SPAM1: variants seen among roughly 807,000 people sequenced by gnomAD.
SPAM1 encodes hyaluronidase PH-20.
Under a neutral mutation model 29.6 loss-of-function variants are expected in SPAM1, and 22 were observed. That is an observed-to-expected ratio of 0.74 (90% CI 0.53 to 1.06). The LOEUF (loss-of-function observed/expected upper bound fraction) is 1.06, where lower values mean the gene tolerates loss of function less well. Among genes scored for constraint, SPAM1 ranks in the 50% least tolerant of loss-of-function variants. The probability of loss-of-function intolerance (pLI) is 0.00; values close to 1 mark genes in which losing one functional copy is unlikely to be tolerated. For synonymous variants in SPAM1, 194 were observed against 204.6 expected, an observed-to-expected ratio of 0.95 and a Z score of 0.44; for missense variants, 534 against 604.0, an observed-to-expected ratio of 0.88 and a Z score of 1.21.
chr7:123,955,874 T>C (rs931095716), intron 4 of SPAM1, among the ~76,000 whole-genome samples: 6 of 151,976 alleles, frequency 3.9e-5, no homozygotes, highest in Non-Finnish European at 7.4e-5. Flanking sequence ...TAAAGTATTT[T>C]ATGTGTCAGA....
intron 2 of SPAM1, among the ~76,000 whole-genome samples, chr7:123,951,407 A>G (rs971879675): frequency 2.0e-4 from 31 of 152,136 alleles, no homozygotes; most frequent in African/African-American, 7.5e-4. Context: ...TAGATACTTC[A>G]AACAAAAAGA....
At chr7:123,960,097 C>A (rs530948536), downstream of SPAM1, 2 of 1,333,214 alleles carry the variant, frequency 1.5e-6, no homozygotes, top group Non-Finnish European at 1.0e-6. Context: ...AATAACTATA[C>A]CTAGGAAATG....
At chr7:123,940,385 TG>T (rs939498175) in intron 1 of SPAM1, among the ~76,000 whole-genome samples, 3 of 152,162 alleles carry the variant, frequency 2.0e-5, no homozygotes, top group Admixed American at 2.0e-4. Context: ...GGACATAAAA[TG>T]TTATTCACAT....
At chr7:123,962,153 T>A (rs575024735), downstream of SPAM1, among the ~76,000 whole-genome samples, 1 of 152,134 alleles carries the variant, frequency 6.6e-6, no homozygotes, top group African/African-American at 2.4e-5. Context: ...CACCAAGAGT[T>A]CCCTTTTCCC....
At chr7:123,967,488 A>C (rs1792442513) in intron 5 of SPAM1, among the ~76,000 whole-genome samples, 2 of 151,996 alleles carry the variant, frequency 1.3e-5, no homozygotes, top group Admixed American at 6.6e-5. Context: ...AAGTGATTAG[A>C]TATTCCCTGT....
chr7:123,959,824 G>C lies in SPAM1; in HGVS notation c.1385G>C (p.Gly462Ala), dbSNP rs1792330640. ...TDAVDVCIAD[G>A]VCIDAFLKPP... ...GCTGTTGATGTGTGTATTGCTGATG[G>C]TGTCTGTATAGATGCTTTTCTAAAA... The change falls in exon 5 of 5, where the codon GGT (glycine) becomes GCT (alanine). Residue 462 changes from glycine (G) to alanine (A), a missense_variant. Gly to Ala is a moderately conservative substitution (Grantham distance 60). Transcript: ENST00000682466. The C allele has an allele frequency of 1.2e-6, 2 of 1,613,244 alleles. No individual in the cohort carries two copies. The highest frequency in any genetic ancestry group is 1.3e-5 in the African/African-American group (1 of 74,954).
chr7:123,937,763 A>G (rs1477733227), intron 1 of SPAM1, among the ~76,000 whole-genome samples: 9 of 152,206 alleles, frequency 5.9e-5, no homozygotes, highest in Admixed American at 5.2e-4. Flanking sequence ...TAATAGAACT[A>G]CAAATGGAAA....
In SPAM1 at chr7:123,954,500, T is replaced by C; in HGVS notation, c.930T>C (p.Asp310=). The change falls in exon 3 of 5, where the codon GAT becomes GAC. Residue 310 remains aspartate, a synonymous_variant. Transcript: ENST00000682466. ...VFAYTRIVFT[D]QVLKFLSQDE... ...CATATACCCGCATAGTTTTTACTGA[T>C]CAAGTTTTGAAATTCCTTTCTCAAG... The C allele has an allele frequency of 6.3e-7, 1 of 1,595,628 alleles. No individual in the cohort carries two copies. The highest frequency in any genetic ancestry group is 2.3e-5 in the East Asian group (1 of 44,360).
rs1374054834 is a variant in SPAM1, at chr7:123,953,391, A to C, written c.-180A>C. The C allele has an allele frequency of 2.1e-6, 1 of 474,280 alleles. No individual in the cohort carries two copies. Among genetic ancestry groups the C allele is most frequent in the Admixed American group, 3.9e-5 (1 of 25,806 alleles). The allele number at this position is 474,280 out of a possible 1,614,324, so 29.4% of individuals were successfully genotyped here. A position where few individuals can be genotyped will look rare whatever the true frequency, so the allele number is the denominator to read the frequency against. ...TATAGGTGATGCAACTTGAAAAACA[A>C]TCCTGAAACATGAAACAAGAATAAT... On this transcript the variant is annotated 5_prime_UTR_variant, in exon 3 of 5. Transcript: ENST00000682466.
At chr7:123,940,327 G>T (rs1808393093) in intron 1 of SPAM1, among the ~76,000 whole-genome samples, 1 of 151,860 alleles carries the variant, frequency 6.6e-6, no homozygotes, top group African/African-American at 2.4e-5. Flanking sequence ...AATTAAAGGT[G>T]TATTATATGC....
intron 1 of SPAM1, among the ~76,000 whole-genome samples, chr7:123,944,120 A>G (rs943077433): frequency 6.6e-6 from 1 of 152,144 alleles, no homozygotes; most frequent in Non-Finnish European, 1.5e-5. Flanking sequence ...TTTTTTCTCA[A>G]AATCAGCCCT....
At chr7:123,934,438 C>T (rs1054157918) in intron 1 of SPAM1, among the ~76,000 whole-genome samples, 4 of 151,946 alleles carry the variant, frequency 2.6e-5, no homozygotes, top group African/African-American at 7.2e-5. Flanking sequence ...GGAGTTTCCT[C>T]GAAAAACTAA....
Position 123,934,149 on chromosome 7 carries a change from CTA to C in SPAM1, c.-319+8799_-319+8800del, listed in dbSNP as rs573862229. On this transcript the variant is annotated intron_variant, in intron 1 of 4. Transcript: ENST00000682466. The stretch of plus-strand genomic sequence containing the variant: ...TCATCTAGGTTTGTATAAGTACACT[CTA>C]TGATGTTCCCACAATGATGAAATAA... Among the ~76,000 whole-genome samples the C allele has an allele frequency of 1.4e-3, 209 of 152,212 alleles. 3 individuals are homozygous for C. The highest frequency in any genetic ancestry group is 2.1e-4 in the Non-Finnish European group (14 of 67,994).
Position 123,954,671 on chromosome 7 carries a change from T to C in SPAM1, c.954+147T>C, listed in dbSNP as rs115356690. On this transcript the variant is annotated intron_variant, in intron 3 of 4. Coordinates refer to ENST00000682466, the MANE Select transcript of SPAM1 (RefSeq NM_153189.3). ...AAGTAGATCAACATTATTATATGAA[T>C]GCAAAACAAGAATACGCTTAATCTT... 2.4e-3 allele frequency: 1,471 copies of C among 622,474 alleles called. 19 individuals are homozygous for C. Among genetic ancestry groups the C allele is most frequent in the African/African-American group, 0.023 (1,275 of 54,318 alleles). The allele number at this position is 622,474 out of a possible 1,614,324, so 38.6% of individuals were successfully genotyped here.
chr7:123,926,686 G>A (rs577608605), intron 1 of SPAM1, among the ~76,000 whole-genome samples: 8 of 152,216 alleles, frequency 5.3e-5, no homozygotes, highest in Non-Finnish European at 8.8e-5. Flanking sequence ...TTAGAAAGGC[G>A]GGACAACTCA....
chr7:123,941,209 A>G (rs905584877), intron 1 of SPAM1, among the ~76,000 whole-genome samples: 1 of 152,238 alleles, frequency 6.6e-6, no homozygotes, highest in African/African-American at 2.4e-5. Context: ...AGGTCTCAAA[A>G]CATTTAGAAA....
intron 1 of SPAM1, among the ~76,000 whole-genome samples, chr7:123,939,300 T>A (rs956780855): frequency 5.9e-5 from 9 of 152,166 alleles, no homozygotes; most frequent in South Asian, 2.1e-4. Flanking sequence ...TTAGCCAGGA[T>A]GGTCTCCAAC....
At chr7:123,951,109 T>G (rs1808749047) in intron 2 of SPAM1, among the ~76,000 whole-genome samples, 1 of 152,144 alleles carries the variant, frequency 6.6e-6, no homozygotes, top group Non-Finnish European at 1.5e-5. Flanking sequence ...TTGGGTTGTT[T>G]GTTTTCTTCT....
At chr7:123,943,388 G>C (rs1324745452) in intron 1 of SPAM1, among the ~76,000 whole-genome samples, 2 of 152,074 alleles carry the variant, frequency 1.3e-5, no homozygotes, top group East Asian at 3.9e-4. Flanking sequence ...TCTTAGAACA[G>C]TCATAGTTAA....
Sources: gnomAD v4.1 joint callset for allele counts (sites outside exome capture counted in the v4.1 genomes callset) on GRCh38, gnomAD v4.1.1 for gene constraint, MANE v1.5 for transcripts, NCBI Gene and HGNC (gene_info 2026-07-23, HGNC 2026-07-21) for gene names.